The following PLD5 variants were observed in gnomAD, a reference collection of about 807,000 sequenced individuals.
The protein encoded by PLD5 is inactive phospholipase D5.
In PLD5, 36 loss-of-function variants were observed where a neutral mutation model predicts 61.1. The observed-to-expected ratio is 0.59, with a 90% CI of 0.45 to 0.78. The LOEUF (loss-of-function observed/expected upper bound fraction) is 0.78, where lower values mean the gene tolerates loss of function less well. Ranked by LOEUF, PLD5 falls within the 30% of genes least tolerant of loss-of-function variation. The probability of loss-of-function intolerance (pLI) is 0.00; values close to 1 mark genes in which losing one functional copy is unlikely to be tolerated. For synonymous variants in PLD5, 243 were observed against 242.8 expected (o/e 1.00, Z -0.01); for missense variants, 515 against 644.4 (o/e 0.80, Z 2.17).
chr1:242,521,772 T>C (rs1384693233), intron 1 of PLD5, among the ~76,000 whole-genome samples: 2 of 152,202 alleles, frequency 1.3e-5, no homozygotes, highest in Admixed American at 6.5e-5. Flanking sequence ...GAAGGTACCA[T>C]ATATGTTCAG....
intron 5 of PLD5, among the ~76,000 whole-genome samples, chr1:242,184,589 G>A (rs1354714530): frequency 1.3e-5 from 2 of 151,994 alleles, no homozygotes; most frequent in African/African-American, 4.8e-5. Flanking sequence ...GGCTAGTCTC[G>A]AACTCCTGTC....
chr1:242,090,002 T>A lies in PLD5; in HGVS notation c.1463A>T (p.Asp488Val). 4 of 1,614,186 alleles carry A rather than the reference T, an allele frequency of 2.5e-6. No homozygotes were observed. Among genetic ancestry groups the A allele is most frequent in the Non-Finnish European group, 3.4e-6 (4 of 1,180,042 alleles). The change falls in exon 10 of 10, where the codon GAT becomes GTT. Residue 488 changes from aspartate (D) to valine (V), a missense_variant. Around this residue, in one of 2 missense-constraint regions of PLD5, gnomAD observed 450 missense variants for 598.1 expected, o/e 0.75. Coordinates refer to ENST00000536534, the MANE Select transcript of PLD5 (RefSeq NM_001372062.1). ...NNRSIIKQLK[D>V]VFERDWYSPY... ...TGAATACCAGTCCCTTTCAAACACA[T>A]CTTTAAGTTGCTTAATGATGCTTCT...
Position 242,259,269 on chromosome 1 carries a change from A to T in PLD5, c.607+6068T>A, listed in dbSNP as rs557542733. ...AGCTGCAGTGAGCTATTATAGTGCC[A>T]GTGTACTACAGCCTGGGTGATGGAG... On this transcript the variant is annotated intron_variant, in intron 4 of 9. Transcript: ENST00000536534. 9.1e-3 allele frequency among the ~76,000 whole-genome samples: 1,373 copies of T among 151,172 alleles called. 18 individuals are homozygous for T. The highest frequency in any genetic ancestry group is 0.031 in the African/African-American group (1,286 of 41,196).
At chr1:242,206,467 T>G (rs899780370) in intron 5 of PLD5, among the ~76,000 whole-genome samples, 1 of 152,146 alleles carries the variant, frequency 6.6e-6, no homozygotes, top group African/African-American at 2.4e-5. Flanking sequence ...GATGTGAGGG[T>G]TAGAGGCACT....
Position 242,524,087 on chromosome 1 carries a change from C to G in PLD5, c.189+1G>C. The G allele has an allele frequency of 6.5e-7, 1 of 1,533,794 alleles. No individual in the cohort carries two copies. The highest frequency in any genetic ancestry group is 2.5e-5 in the East Asian group (1 of 40,596). On this transcript the variant is annotated splice_donor_variant, in intron 1 of 9. Coordinates refer to ENST00000536534, the MANE Select transcript of PLD5 (RefSeq NM_001372062.1). LOFTEE classifies it high-confidence loss of function. ...GGCCCCCGGGAGCGAGTCGCCCTTA[C>G]GTGCTCCAGCTTGTCTTTCCTCCGA...
rs1318376841 is a variant in PLD5 at position 242,085,743 on chromosome 1, C to T, written c.*4111G>A. 6.6e-6 allele frequency: 1 copy of T among 152,042 alleles called. No individual in the cohort carries two copies. The highest frequency in any genetic ancestry group is 2.4e-5 in the African/African-American group (1 of 41,394). The allele number at this position is 152,042 out of a possible 1,614,324, so 9.4% of individuals were successfully genotyped here. ...TTCGTAAGGACTGAGTTTGAATAAACAATAACAAAGTATCTTTCATTATAG... is the reference window on the plus strand; with the variant it reads ...TTCGTAAGGACTGAGTTTGAATAAATAATAACAAAGTATCTTTCATTATAG... On this transcript the variant is annotated 3_prime_UTR_variant, in exon 10 of 10. Transcript: ENST00000536534.
intron 1 of PLD5, among the ~76,000 whole-genome samples, chr1:242,404,361 A>G (rs898636731): frequency 1.4e-4 from 22 of 152,118 alleles, no homozygotes; most frequent in African/African-American, 5.1e-4. Context: ...CCATGAGATA[A>G]CCTGAGATGA....
intron 1 of PLD5, among the ~76,000 whole-genome samples, chr1:242,444,726 A>AAATAT (rs1558572537): frequency 6.9e-4 from 43 of 62,574 alleles, no homozygotes; most frequent in African/African-American, 2.3e-3. Context: ...AAAATAATAT[A>AAATAT]TATATTATTT....
intron 5 of PLD5, among the ~76,000 whole-genome samples, chr1:242,211,355 A>G (rs1460892570): frequency 6.6e-6 from 1 of 152,194 alleles, no homozygotes; most frequent in Non-Finnish European, 1.5e-5. Flanking sequence ...CGCAGATACA[A>G]AGGAATGTAA....
At chr1:242,115,740 T>A (rs1463943868) in intron 6 of PLD5, among the ~76,000 whole-genome samples, 1 of 152,084 alleles carries the variant, frequency 6.6e-6, no homozygotes, top group African/African-American at 2.4e-5. Context: ...TGAGAAAAGG[T>A]CATCGATAAC....
chr1:242,452,619 C>T (rs1030975579), intron 1 of PLD5, among the ~76,000 whole-genome samples: 28 of 152,052 alleles, frequency 1.8e-4, no homozygotes, highest in African/African-American at 5.8e-4. Flanking sequence ...AGTTCCAGAC[C>T]AGCCTAGGCA....
chr1:242,397,597 G>A (rs1663667703), intron 1 of PLD5, among the ~76,000 whole-genome samples: 1 of 151,990 alleles, frequency 6.6e-6, no homozygotes, highest in East Asian at 1.9e-4. Context: ...AGGGATAAGA[G>A]AAAAACAGAT....
intron 1 of PLD5, among the ~76,000 whole-genome samples, chr1:242,393,262 GTA>G (rs1189399923): frequency 2.9e-5 from 2 of 67,974 alleles, no homozygotes; most frequent in East Asian, 3.3e-4. Context: ...ATATATATGT[GTA>G]TATATATGAG....
chr1:242,442,357 G>A (rs745680299), intron 1 of PLD5, among the ~76,000 whole-genome samples: 1 of 152,176 alleles, frequency 6.6e-6, no homozygotes, highest in Non-Finnish European at 1.5e-5. Context: ...AGTGTGGTGA[G>A]CATGTGCCTC....
chr1:242,142,714 TTCTCTCTC>T (rs35627694), intron 5 of PLD5, among the ~76,000 whole-genome samples: 54 of 90,086 alleles, frequency 6.0e-4, no homozygotes, highest in Non-Finnish European at 9.2e-4. Context: ...AGCTGTGTCT[TTCTCTCTC>T]TCTCTCTCTC....
intron 2 of PLD5, among the ~76,000 whole-genome samples, chr1:242,321,857 C>A (rs1055328435): frequency 5.3e-5 from 8 of 152,118 alleles, no homozygotes; most frequent in African/African-American, 1.9e-4. Flanking sequence ...TTTAAATAAT[C>A]CTTTAGAGGG....
chr1:242,411,340 A>C (rs934541562), intron 1 of PLD5, among the ~76,000 whole-genome samples: 3 of 152,154 alleles, frequency 2.0e-5, no homozygotes, highest in Non-Finnish European at 2.9e-5. Context: ...GGTTCACGCC[A>C]TTCTCCTGCC....
At chr1:242,446,982 T>C (rs1666568842) in intron 1 of PLD5, among the ~76,000 whole-genome samples, 1 of 152,190 alleles carries the variant, frequency 6.6e-6, no homozygotes, top group Non-Finnish European at 1.5e-5. Context: ...AGCACAGAAC[T>C]CTGTGTGCCT....
chr1:242,242,034 CACACACACACAT>C (rs1360918312), intron 4 of PLD5, among the ~76,000 whole-genome samples: 33 of 147,708 alleles, frequency 2.2e-4, no homozygotes, highest in African/African-American at 8.0e-4. Context: ...CACACACACA[CACACACACACAT>C]ATGGTTGATG....
Sources: allele counts gnomAD v4.1 joint callset (sites outside exome capture counted in the v4.1 genomes callset), GRCh38; gene constraint gnomAD v4.1.1; regional missense constraint gnomAD v4.1.1; transcripts MANE v1.5; gene names NCBI Gene and HGNC (gene_info 2026-07-23, HGNC 2026-07-21).